The following NCOA6 variants were observed in gnomAD, a reference collection of about 807,000 sequenced individuals.
NCOA6 encodes the protein NRC RAP250.
In NCOA6, 49 loss-of-function variants were observed where a neutral mutation model predicts 171.4. The observed-to-expected ratio is 0.29, with a 90% CI of 0.23 to 0.36. The LOEUF (loss-of-function observed/expected upper bound fraction) is 0.36. NCOA6 is among the 10% of genes least tolerant of loss of function. NCOA6 has a pLI of 1.00. For synonymous variants in NCOA6, 910 were observed against 927.5 expected, an observed-to-expected ratio of 0.98 and a Z score of 0.34; for missense variants, 2,248 against 2,554.5, an observed-to-expected ratio of 0.88 and a Z score of 2.59.
Position 34,776,369 on chromosome 20 carries a change from C to T in NCOA6, c.315G>A (p.Ala105=), listed in dbSNP as rs773404113. 5.6e-6 allele frequency: 9 copies of T among 1,614,036 alleles called. No individual in the cohort carries two copies. The highest frequency in any genetic ancestry group is 1.6e-4 in the Middle Eastern group (1 of 6,084). Reference sequence around the variant, plus strand: ...TCTGAGCAAGGATCCGTAGCCGCTCCGCTGCTTCCCGGGGGATGTTGAATG... The same window carrying T: ...TCTGAGCAAGGATCCGTAGCCGCTCTGCTGCTTCCCGGGGGATGTTGAATG... ...RVTFNIPREA[A]ERLRILAQSN... Residue 105 remains alanine (A), a synonymous_variant, in exon 4 of 15, where the codon GCG becomes GCA. Transcript: ENST00000359003.
rs552944471 is a variant in NCOA6, at chr20:34,781,141, A to C, written c.235+980T>G. On this transcript the variant is annotated intron_variant, in intron 3 of 14. Coordinates refer to ENST00000359003, the MANE Select transcript of NCOA6 (RefSeq NM_014071.5). ...ATGAAAAATTCTTAATTGTATGCTA[A>C]ATAACGCATAACTATGGAGAACCTT... 1.9e-4 allele frequency among the ~76,000 whole-genome samples: 29 copies of C among 152,342 alleles called. No individual in the cohort carries two copies. In the East Asian group the frequency reaches 3.7e-3, roughly 19 times the overall value.
At chr20:34,819,380 T>C (rs1260203579) in intron 1 of NCOA6, 1 of 152,176 alleles carries the variant, frequency 6.6e-6, no homozygotes, top group African/African-American at 2.4e-5. Context: ...CAAGGTTAAG[T>C]CAGAAACTCA....
chr20:34,768,589 G>T lies in NCOA6; in HGVS notation c.392-3C>A. The stretch of plus-strand genomic sequence containing the variant: ...AGCCAGGTTAATAGCACCTTCCCCT[G>T]AAAATGAGTCAAGTGATAAAAAGGA... On this transcript the variant is annotated splice_polypyrimidine_tract_variant and splice_region_variant and intron_variant, in intron 4 of 14. Transcript: ENST00000359003. 6.2e-7 allele frequency: 1 copy of T among 1,612,896 alleles called. No individual in the cohort carries two copies. The highest frequency in any genetic ancestry group is 8.5e-7 in the Non-Finnish European group (1 of 1,179,712).
chr20:34,759,041 T>C, intron 5 of NCOA6, 108 bp from the exon 6 acceptor site: 1 of 1,235,242 alleles, frequency 8.1e-7, no homozygotes. Flanking sequence ...TTTTTTTTTT[T>C]TGACAGGGTC....
rs1379201731 is a variant in NCOA6 at position 34,795,777 on chromosome 20, T to C, written c.-163-3214A>G. Among the ~76,000 whole-genome samples, 4 of 152,264 alleles carry C rather than the reference T, an allele frequency of 2.6e-5. No homozygotes were observed. In the East Asian group the frequency reaches 7.7e-4, roughly 29 times the overall value. On this transcript the variant is annotated intron_variant, in intron 1 of 14. Transcript: ENST00000359003. ...GAGTAGAAGGTATTAGGGCATTATT[T>C]TTAATTTTCTTGGGTGTGGTAATGT...
chr20:34,732,398 T>TAGG (rs1382173358), intron 13 of NCOA6, among the ~76,000 whole-genome samples, 161 bp downstream of exon 13: 1 of 152,164 alleles, frequency 6.6e-6, no homozygotes, highest in Non-Finnish European at 1.5e-5. Context: ...TCTGAGGGAT[T>TAGG]AGGACTCATG....
chr20:34,716,042 C>A lies in NCOA6; in HGVS notation c.6149-677G>T, dbSNP rs184082343. Among the ~76,000 whole-genome samples the A allele has an allele frequency of 5.1e-3, 772 of 151,604 alleles. 7 individuals are homozygous for A. The highest frequency in any genetic ancestry group is 0.014 in the South Asian group (66 of 4,778). ...GACTAGTTTGGCCAACATGGCGAAA[C>A]CCCATCTCTACTAAAAATACACGAA... is the stretch of plus-strand genomic sequence containing the variant. On this transcript the variant is annotated intron_variant, in intron 14 of 14. Transcript: ENST00000359003.
chr20:34,787,166 C>T (rs1278503957), intron 2 of NCOA6, among the ~76,000 whole-genome samples: 3 of 151,482 alleles, frequency 2.0e-5, no homozygotes, highest in Non-Finnish European at 4.4e-5. Context: ...TTTCAGGTCT[C>T]CCCTGCCTCC....
intron 1 of NCOA6, among the ~76,000 whole-genome samples, chr20:34,810,840 G>A (rs183100246): frequency 2.8e-3 from 423 of 152,164 alleles, no homozygotes; most frequent in Non-Finnish European, 4.8e-3. Flanking sequence ...CACCGTGCCC[G>A]GACTCTGTGC....
At position 34,770,718 on chromosome 20, in the gene NCOA6, C is replaced by T. The variant is rs140106095; in HGVS notation, c.392-2132G>A. Among the ~76,000 whole-genome samples the T allele has an allele frequency of 1.4e-3, 217 of 151,716 alleles. 1 individual carries two copies. The highest frequency in any genetic ancestry group is 5.0e-3 in the African/African-American group (208 of 41,288). Reference sequence around the variant, plus strand: ...CGATCTCGGATCACTGTAACGTCTGCCTCCGGGTTCAAGCGATTCTCCTAC... The same window carrying T: ...CGATCTCGGATCACTGTAACGTCTGTCTCCGGGTTCAAGCGATTCTCCTAC... On this transcript the variant is annotated intron_variant, in intron 4 of 14. Coordinates refer to ENST00000359003, the MANE Select transcript of NCOA6 (RefSeq NM_014071.5).
chr20:34,816,285 T>C (rs928904071), intron 1 of NCOA6, among the ~76,000 whole-genome samples: 1 of 152,136 alleles, frequency 6.6e-6, no homozygotes, highest in African/African-American at 2.4e-5. Context: ...CCAAATATGT[T>C]AGTCTTAACT....
At chr20:34,791,715 A>C (rs1374599162) in intron 2 of NCOA6, among the ~76,000 whole-genome samples, 2 of 152,234 alleles carry the variant, frequency 1.3e-5, no homozygotes, top group East Asian at 3.8e-4. Flanking sequence ...TTGCCAGAGT[A>C]GTCACTTCAA....
chr20:34,743,163 TTGC>T lies in NCOA6; in HGVS notation c.3090_3092del (p.Gln1032del), dbSNP rs112051697. On this transcript the variant is annotated inframe_deletion, in exon 11 of 15. Coordinates refer to ENST00000359003, the MANE Select transcript of NCOA6 (RefSeq NM_014071.5). ...GCATCATGAGCATCATCATCATTTG[TTGC>T]TGCTGCTGCTGCTGCTGCTGAGACT... The T allele has an allele frequency of 1.1e-4, 169 of 1,601,302 alleles. No individual in the cohort carries two copies. The highest frequency in any genetic ancestry group is 1.7e-4 in the Middle Eastern group (1 of 6,016).
intron 13 of NCOA6, among the ~76,000 whole-genome samples, chr20:34,728,636 T>C (rs1467412156): frequency 6.6e-6 from 1 of 152,154 alleles, no homozygotes; most frequent in East Asian, 1.9e-4. Context: ...CACTTCTAGG[T>C]GCCTAAGGAA....
Position 34,743,793 on chromosome 20 carries a change from G to A in NCOA6, c.2915-452C>T, listed in dbSNP as rs566504197. Among the ~76,000 whole-genome samples the A allele has an allele frequency of 5.3e-5, 8 of 152,330 alleles. No individual in the cohort carries two copies. In the South Asian group the frequency reaches 1.7e-3, roughly 32 times the overall value. On this transcript the variant is annotated intron_variant, in intron 10 of 14. Coordinates refer to ENST00000359003, the MANE Select transcript of NCOA6 (RefSeq NM_014071.5). ...AAAGCATTTAGGATTCACTTCTTCT[G>A]TTAGCACAGGAATAATTTTTTTAAG...
intron 10 of NCOA6, 110 bp downstream of exon 10, chr20:34,746,697 A>T: frequency 1.6e-6 from 2 of 1,239,500 alleles, no homozygotes; most frequent in Non-Finnish European, 2.1e-6. Flanking sequence ...TCACTGAAGT[A>T]GACTAGTTAG....
chr20:34,773,409 C>T (rs964748388), intron 4 of NCOA6, among the ~76,000 whole-genome samples: 2 of 152,190 alleles, frequency 1.3e-5, no homozygotes, highest in Non-Finnish European at 2.9e-5. Context: ...GTCCCTCAAG[C>T]CTTGCAGCAG....
chr20:34,740,967 C>G lies in NCOA6; in HGVS notation c.5289G>C (p.Val1763=). ...TAGCCTCATCTGGATTCAATTCTTT[C>G]ACTTGCTGCACAGGGGGATGAGAAG... ...VVPSHPPVQQ[V]KELNPDEASP... Residue 1763 remains valine (V), a synonymous_variant, in exon 11 of 15, where the codon GTG becomes GTC. Transcript: ENST00000359003. The G allele has an allele frequency of 6.2e-7, 1 of 1,614,180 alleles. No individual in the cohort carries two copies. Among genetic ancestry groups the G allele is most frequent in the Non-Finnish European group, 8.5e-7 (1 of 1,180,036 alleles).
chr20:34,721,056 T>C (rs757563644), intron 14 of NCOA6, among the ~76,000 whole-genome samples: 8 of 152,012 alleles, frequency 5.3e-5, no homozygotes, highest in Non-Finnish European at 8.8e-5. Flanking sequence ...CTATAACTCT[T>C]GTAATTTCCT....
Sources: allele counts gnomAD v4.1 joint callset (sites outside exome capture counted in the v4.1 genomes callset), GRCh38; gene constraint gnomAD v4.1.1; transcripts MANE v1.5; gene names NCBI Gene and HGNC (gene_info 2026-07-23, HGNC 2026-07-21).